Variants in AGAP1 observed in about 807,000 individuals in gnomAD.
The protein encoded by AGAP1 is ArfGAP with GTPase domain, ankyrin repeat and PH domain 1, also known as arf-GAP with GTPase, ANK repeat and PH domain-containing protein 1.
A neutral mutation model predicts 105.3 loss-of-function variants in AGAP1; 29 were observed. That is an observed-to-expected ratio of 0.28 (90% CI 0.21 to 0.38). AGAP1 has a LOEUF of 0.38. AGAP1 is among the 10% of genes least tolerant of loss of function. The probability of loss-of-function intolerance (pLI) is 1.00; values close to 1 mark genes in which losing one functional copy is unlikely to be tolerated. For synonymous variants in AGAP1, 509 were observed against 485.9 expected (o/e 1.05, Z -0.63); for missense variants, 998 against 1,165.1 (o/e 0.86, Z 2.09).
intron 1 of AGAP1, among the ~76,000 whole-genome samples, chr2:235,597,817 CGT>C (rs1189398526): frequency 3.8e-5 from 3 of 78,126 alleles, no homozygotes; most frequent in Admixed American, 2.7e-4. Context: ...CACGCGCTCC[CGT>C]GTTTCCTTTG....
At chr2:235,937,952 G>A (rs2317005) in intron 12 of AGAP1, among the ~76,000 whole-genome samples, 71,839 of 151,868 alleles carry the variant, frequency 0.47, 17,194 homozygotes, top group South Asian at 0.61. Flanking sequence ...CGGTTGCTGC[G>A]TTGCACAGTA....
At chr2:235,998,098 A>G (rs1298502900) in intron 13 of AGAP1, among the ~76,000 whole-genome samples, 1 of 152,218 alleles carries the variant, frequency 6.6e-6, no homozygotes, top group African/African-American at 2.4e-5. Flanking sequence ...AAGCAAGGAT[A>G]TTTAAAACAA....
intron 16 of AGAP1, among the ~76,000 whole-genome samples, chr2:236,100,546 C>T (rs975133903): frequency 7.9e-5 from 12 of 151,876 alleles, no homozygotes; most frequent in Admixed American, 2.0e-4. Flanking sequence ...TAGTTGAGGC[C>T]GGATGCAGTG....
At chr2:235,562,730 C>T (rs977737108) in intron 1 of AGAP1, among the ~76,000 whole-genome samples, 8 of 152,282 alleles carry the variant, frequency 5.3e-5, no homozygotes. Context: ...TGACCCTGGG[C>T]AAGTCACCAT....
In AGAP1 at chr2:236,109,393, AATT is replaced by A. The variant is rs202156815; in HGVS notation, c.2115-10792_2115-10790del. ...TTTCTCTTCATTCTAAAATTCCATG[AATT>A]ATTATTCATCTTTGTAATTATTATA... On this transcript the variant is annotated intron_variant, in intron 16 of 17. Coordinates refer to ENST00000304032, the MANE Select transcript of AGAP1 (RefSeq NM_001037131.3). This position sits in a 1 kb window ranked among gnomAD's most constrained non-coding sequence, Gnocchi z 5.4. Among the ~76,000 whole-genome samples, 1,264 of 152,186 alleles carry A rather than the reference AATT, an allele frequency of 8.3e-3. 16 individuals are homozygous for A. The highest frequency in any genetic ancestry group is 0.028 in the Admixed American group (426 of 15,280).
chr2:235,637,259 A>G (rs939315158), intron 1 of AGAP1, among the ~76,000 whole-genome samples: 1 of 152,020 alleles, frequency 6.6e-6, no homozygotes, highest in African/African-American at 2.4e-5. Flanking sequence ...AGCACCTCCT[A>G]GGACCTCAAA....
rs568754640 is a variant in AGAP1, at chr2:235,601,947, A to C, written c.163+107098A>C. Among the ~76,000 whole-genome samples, 32 of 152,270 alleles carry C rather than the reference A, an allele frequency of 2.1e-4. No homozygotes were observed. The highest frequency in any genetic ancestry group is 3.4e-3 in the Middle Eastern group (1 of 294). ...GCCCCATCCCAAAAGGTCCATTCTC[A>C]AAGGAGACTCCAGGGTGACCCCTAA... On this transcript the variant is annotated intron_variant, in intron 1 of 17. Coordinates refer to ENST00000304032, the MANE Select transcript of AGAP1 (RefSeq NM_001037131.3). This position sits in a 1 kb window ranked among gnomAD's most constrained non-coding sequence, Gnocchi z 4.4.
Position 235,611,849 on chromosome 2 carries a change from C to T in AGAP1, c.164-97330C>T, listed in dbSNP as rs1298303178. Among the ~76,000 whole-genome samples, 1 of 152,070 alleles carries T rather than the reference C, an allele frequency of 6.6e-6. No individual in the cohort carries two copies. The highest frequency in any genetic ancestry group is 1.5e-5 in the Non-Finnish European group (1 of 68,020). On this transcript the variant is annotated intron_variant, in intron 1 of 17. Transcript: ENST00000304032. The surrounding 1 kb of genome is among the most constrained non-coding windows in gnomAD (Gnocchi z 5.0). ...TACATAGGAGACAAAGAAATCCTTC[C>T]CTCCCTGTTCCAGTTGTGGAACATA...
In AGAP1 at chr2:235,692,012, AAG is replaced by A. The variant is rs2149443874; in HGVS notation, c.164-17165_164-17164del. ...TGCTGGTTATCTAGTTACTAGTGGT[AAG>A]ACAGAGCCAGTTAACAAAGACTATA... is the stretch of plus-strand genomic sequence containing the variant. On this transcript the variant is annotated intron_variant, in intron 1 of 17. Coordinates refer to ENST00000304032, the MANE Select transcript of AGAP1 (RefSeq NM_001037131.3). This position sits in a 1 kb window ranked among gnomAD's most constrained non-coding sequence, Gnocchi z 5.8. Among the ~76,000 whole-genome samples the A allele has an allele frequency of 6.6e-6, 1 of 152,344 alleles. No individual in the cohort carries two copies. Among genetic ancestry groups the A allele is most frequent in the East Asian group, 1.9e-4 (1 of 5,188 alleles).
chr2:235,791,991 T>C (rs1479567234), intron 6 of AGAP1, among the ~76,000 whole-genome samples: 1 of 152,220 alleles, frequency 6.6e-6, no homozygotes, highest in Non-Finnish European at 1.5e-5. Context: ...TTTAGTCTCA[T>C]GTGAATTTCA....
chr2:235,914,585 C>A (rs1419932488), intron 11 of AGAP1, among the ~76,000 whole-genome samples: 1 of 152,180 alleles, frequency 6.6e-6, no homozygotes, highest in Non-Finnish European at 1.5e-5. Flanking sequence ...CTTTAAAATG[C>A]TGGAAATGTG....
At chr2:236,041,126 C>T (rs2057537699) in intron 15 of AGAP1, among the ~76,000 whole-genome samples, 1 of 152,162 alleles carries the variant, frequency 6.6e-6, no homozygotes, top group African/African-American at 2.4e-5. Context: ...CCCACACCCA[C>T]AGCCTGTGCC....
rs1207806167 is a variant in AGAP1, at chr2:236,090,272, G to A, written c.2115-29920G>A. Among the ~76,000 whole-genome samples the A allele has an allele frequency of 3.3e-5, 5 of 152,148 alleles. No homozygotes were observed. The highest frequency in any genetic ancestry group is 3.8e-4 in the East Asian group (2 of 5,200). On this transcript the variant is annotated intron_variant, in intron 16 of 17. Coordinates refer to ENST00000304032, the MANE Select transcript of AGAP1 (RefSeq NM_001037131.3). The surrounding 1 kb of genome is among the most constrained non-coding windows in gnomAD (Gnocchi z 4.3). ...CTACTGATATATTCAACCCTCAGGC[G>A]TACCATGCAAAGAGGACATAGCCAC...
At chr2:235,650,875 GAGAC>G (rs1026838409) in intron 1 of AGAP1, among the ~76,000 whole-genome samples, 8 of 152,026 alleles carry the variant, frequency 5.3e-5, no homozygotes, top group African/African-American at 1.7e-4. Context: ...GCACCATTAG[GAGAC>G]AGCCAAGATA....
rs948420414 is a variant in AGAP1 at position 236,096,170 on chromosome 2, G to T, written c.2115-24022G>T. ...TTTCATCCAGTAGGTAACTTCACTG[G>T]CTTCTTCACACAAATGTGGCTCTTC... is the stretch of plus-strand genomic sequence containing the variant. On this transcript the variant is annotated intron_variant, in intron 16 of 17. Transcript: ENST00000304032. This position sits in a 1 kb window ranked among gnomAD's most constrained non-coding sequence, Gnocchi z 4.4. Among the ~76,000 whole-genome samples, 2 of 152,154 alleles carry T rather than the reference G, an allele frequency of 1.3e-5. No individual in the cohort carries two copies. Among genetic ancestry groups the T allele is most frequent in the African/African-American group, 2.4e-5 (1 of 41,438 alleles).
At chr2:235,695,834 G>T (rs1414364442) in intron 1 of AGAP1, among the ~76,000 whole-genome samples, 3 of 152,186 alleles carry the variant, frequency 2.0e-5, no homozygotes, top group Admixed American at 6.5e-5. Flanking sequence ...TCACAAGGAG[G>T]TGGCTTCTTT....
chr2:235,621,636 C>T lies in AGAP1; in HGVS notation c.164-87543C>T, dbSNP rs903571522. Among the ~76,000 whole-genome samples the T allele has an allele frequency of 6.6e-6, 1 of 152,198 alleles. No homozygotes were observed. The highest frequency in any genetic ancestry group is 2.4e-5 in the African/African-American group (1 of 41,446). ...TCCTCTGACTCCAGATGTCAGTGAC[C>T]CTTCTGGTCTCTCCAACACAAGGGT... On this transcript the variant is annotated intron_variant, in intron 1 of 17. Transcript: ENST00000304032. The surrounding 1 kb of genome is among the most constrained non-coding windows in gnomAD (Gnocchi z 4.1).
intron 1 of AGAP1, among the ~76,000 whole-genome samples, chr2:235,673,827 G>A (rs138754328): frequency 1.6e-3 from 251 of 152,268 alleles, no homozygotes; most frequent in African/African-American, 5.3e-3. Flanking sequence ...TTTTTCTTCC[G>A]TTAGAATCTT....
intron 1 of AGAP1, among the ~76,000 whole-genome samples, chr2:235,628,407 A>G (rs889428659): frequency 3.3e-5 from 5 of 152,130 alleles, no homozygotes; most frequent in Non-Finnish European, 7.4e-5. Context: ...GCAGGGATCC[A>G]GGGACCCAGG....
Sources: gnomAD v4.1 joint callset for allele counts (sites outside exome capture counted in the v4.1 genomes callset) on GRCh38, gnomAD v4.1.1 for gene constraint, Gnocchi (gnomAD v3.1) non-coding constraint, MANE v1.5 for transcripts, NCBI Gene and HGNC (gene_info 2026-07-23, HGNC 2026-07-21) for gene names.